Variants in LTBP1 observed in about 807,000 individuals in gnomAD.
LTBP1 encodes latent-transforming growth factor beta-binding protein 1.
Under a neutral mutation model 207.6 loss-of-function variants are expected in LTBP1, and 129 were observed. The observed-to-expected ratio is 0.62, with a 90% CI of 0.54 to 0.72. The LOEUF (loss-of-function observed/expected upper bound fraction) is 0.72, where lower values mean the gene tolerates loss of function less well. Among genes scored for constraint, LTBP1 ranks in the 30% least tolerant of loss-of-function variants. The probability of loss-of-function intolerance (pLI) is 0.00; values close to 1 mark genes in which losing one functional copy is unlikely to be tolerated. For synonymous variants in LTBP1, 963 were observed against 833.7 expected, an observed-to-expected ratio of 1.16 and a Z score of -2.67; for missense variants, 2,281 against 2,217.2, an observed-to-expected ratio of 1.03 and a Z score of -0.58.
chr2:32,970,698 T>A (rs925771535), intron 2 of LTBP1, among the ~76,000 whole-genome samples: 1 of 152,066 alleles, frequency 6.6e-6, no homozygotes. Flanking sequence ...TGTGATACCT[T>A]CAGCTTTGTT....
At chr2:33,347,601 TA>T in intron 26 of LTBP1, 91 bp downstream of exon 26, 3 of 1,486,782 alleles carry the variant, frequency 2.0e-6, no homozygotes, top group Non-Finnish European at 2.8e-6. Flanking sequence ...GGGAGTGAGA[TA>T]AGAAGCAGCC....
At chr2:33,019,321 T>C (rs1453832516) in intron 2 of LTBP1, among the ~76,000 whole-genome samples, 1 of 148,158 alleles carries the variant, frequency 6.7e-6, no homozygotes, top group Non-Finnish European at 1.5e-5. Flanking sequence ...CAGTAGCATG[T>C]ACACTTCTTT....
intron 15 of LTBP1, among the ~76,000 whole-genome samples, chr2:33,264,562 G>C (rs1488030594): frequency 6.6e-6 from 1 of 151,992 alleles, no homozygotes; most frequent in Non-Finnish European, 1.5e-5. Flanking sequence ...ACTAACAATA[G>C]AGAAATGGAA....
chr2:32,947,136 T>G lies in LTBP1; in HGVS notation c.-189T>G. ...GCCCTCCTCCTGCTCCCAGCCACAA[T>G]CGGCCGGGGTCTGGGGCCGCTCAGC... On this transcript the variant is annotated 5_prime_UTR_variant, in exon 1 of 34. Coordinates refer to ENST00000404816, the MANE Select transcript of LTBP1 (RefSeq NM_206943.4). 1 of 359,580 alleles carries G rather than the reference T, an allele frequency of 2.8e-6. No homozygotes were observed. The highest frequency in any genetic ancestry group is 4.9e-6 in the Non-Finnish European group (1 of 205,946). 22.3% of individuals were successfully genotyped at this position (359,580 alleles called of 1,614,324 possible). A position where few individuals can be genotyped will look rare whatever the true frequency, so the allele number is the denominator to read the frequency against.
chr2:32,947,857 C>G, intron 1 of LTBP1, 39 bp downstream of exon 1: 1 of 1,274,154 alleles, frequency 7.8e-7, no homozygotes, highest in Non-Finnish European at 1.0e-6. Context: ...GCCCGCCTCG[C>G]GCGCACCGCC....
chr2:33,121,011 T>G (rs1246576879), intron 4 of LTBP1, among the ~76,000 whole-genome samples: 1 of 152,284 alleles, frequency 6.6e-6, no homozygotes, highest in East Asian at 1.9e-4. Flanking sequence ...TGAGTAAATA[T>G]AATTCGCATG....
intron 2 of LTBP1, among the ~76,000 whole-genome samples, chr2:32,991,390 C>G (rs1389993800): frequency 6.6e-6 from 1 of 152,122 alleles, no homozygotes. Flanking sequence ...AGTTGTTTAA[C>G]TTTTCCCTAA....
At chr2:33,300,334 C>A in intron 20 of LTBP1, 117 bp from the exon 21 acceptor site, 2 of 946,888 alleles carry the variant, frequency 2.1e-6, no homozygotes, top group Non-Finnish European at 3.2e-6. Context: ...GTGTGTAGTG[C>A]CAGACATAAG....
intron 2 of LTBP1, among the ~76,000 whole-genome samples, chr2:33,009,352 C>T (rs1434467295): frequency 6.6e-6 from 1 of 152,124 alleles, no homozygotes; most frequent in Non-Finnish European, 1.5e-5. Context: ...ACGTGAAGTC[C>T]TAACCCCCAG....
At chr2:33,365,625 CCG>C in intron 31 of LTBP1, 122 bp downstream of exon 31, 2 of 795,838 alleles carry the variant, frequency 2.5e-6, no homozygotes, top group Admixed American at 2.8e-5. Flanking sequence ...TACTTTCATC[CCG>C]TGTGTGTGTG....
chr2:33,066,451 G>A (rs932423872), intron 3 of LTBP1, among the ~76,000 whole-genome samples: 30 of 152,098 alleles, frequency 2.0e-4, no homozygotes, highest in Non-Finnish European at 7.4e-5. Flanking sequence ...AACTTACAGT[G>A]ACTTTTTTTT....
At chr2:33,321,864 A>G (rs1236583016) in intron 24 of LTBP1, among the ~76,000 whole-genome samples, 3 of 152,264 alleles carry the variant, frequency 2.0e-5, no homozygotes, top group African/African-American at 7.2e-5. Context: ...AAAAAGGATC[A>G]TACAACATTC....
At chr2:33,326,208 A>G (rs937162090) in intron 24 of LTBP1, among the ~76,000 whole-genome samples, 7 of 152,206 alleles carry the variant, frequency 4.6e-5, no homozygotes, top group African/African-American at 1.7e-4. Flanking sequence ...GTTTTATTAT[A>G]ATTGAACAAA....
intron 24 of LTBP1, among the ~76,000 whole-genome samples, chr2:33,337,847 C>G (rs375537732): frequency 1.3e-5 from 2 of 152,270 alleles, no homozygotes; most frequent in Admixed American, 1.3e-4. Flanking sequence ...TTCACTTGTT[C>G]GTTTAGTCTT....
chr2:33,153,602 G>A (rs1475062125), intron 5 of LTBP1, among the ~76,000 whole-genome samples: 2 of 152,256 alleles, frequency 1.3e-5, no homozygotes, highest in South Asian at 4.1e-4. Context: ...TCACTGTGGG[G>A]AAAAAGTCAA....
At chr2:32,978,734 A>G (rs1311639986) in intron 2 of LTBP1, among the ~76,000 whole-genome samples, 1 of 134,918 alleles carries the variant, frequency 7.4e-6, no homozygotes, top group Non-Finnish European at 1.6e-5. Context: ...AACGAGTTTT[A>G]GAAGTATTCC....
chr2:32,969,427 C>G (rs977570212), intron 2 of LTBP1, among the ~76,000 whole-genome samples: 5 of 151,940 alleles, frequency 3.3e-5, no homozygotes, highest in African/African-American at 1.2e-4. Flanking sequence ...TCACCTTTTT[C>G]CTATCTCCAC....
intron 2 of LTBP1, among the ~76,000 whole-genome samples, chr2:32,950,133 G>T (rs1409451351): frequency 6.6e-6 from 1 of 152,184 alleles, no homozygotes; most frequent in Admixed American, 6.5e-5. Flanking sequence ...CAGGCCAAAT[G>T]ACATGTCCCC....
intron 4 of LTBP1, among the ~76,000 whole-genome samples, chr2:33,127,746 G>C (rs918419289): frequency 2.0e-5 from 3 of 152,162 alleles, no homozygotes; most frequent in Admixed American, 1.3e-4. Context: ...TGAAACATTT[G>C]GTTGTGCCTA....
Sources: allele counts gnomAD v4.1 joint callset (sites outside exome capture counted in the v4.1 genomes callset), GRCh38; gene constraint gnomAD v4.1.1; transcripts MANE v1.5; gene names NCBI Gene and HGNC (gene_info 2026-07-23, HGNC 2026-07-21).